The following ADGRB1 variants were observed in gnomAD, a reference collection of about 807,000 sequenced individuals.
The protein encoded by ADGRB1 is brain-specific angiogenesis inhibitor 1.
Under a neutral mutation model 175.7 loss-of-function variants are expected in ADGRB1, and 36 were observed. The observed-to-expected ratio is 0.20, with a 90% CI of 0.16 to 0.27. The LOEUF (loss-of-function observed/expected upper bound fraction) is 0.27, where lower values mean the gene tolerates loss of function less well. ADGRB1 is among the 10% of genes least tolerant of loss of function. The pLI is 1.00. For missense variants in ADGRB1, 1,731 were observed against 2,255.3 expected (o/e 0.77, Z 4.71); for synonymous variants, 1,054 against 979.4 (o/e 1.08, Z -1.42).
intron 1 of ADGRB1, among the ~76,000 whole-genome samples, chr8:142,453,425 G>T (rs1223029098): frequency 1.3e-5 from 2 of 152,168 alleles, no homozygotes; most frequent in Non-Finnish European, 1.5e-5. Context: ...CTGACCCTCA[G>T]CAAAGACCCC....
intron 17 of ADGRB1, among the ~76,000 whole-genome samples, chr8:142,501,672 TTTGTGTGGTTTTGACGATGGAGGTGG>T (rs1842556280): frequency 3.4e-5 from 1 of 29,700 alleles, no homozygotes; most frequent in Non-Finnish European, 8.4e-5. Context: ...GGTAGTGATG[TTTGTGTGGTTTTGACGATGGAGGTGG>T]GGTGGTGGTG....
intron 20 of ADGRB1, 36 bp downstream of exon 20, chr8:142,520,961 C>T: frequency 6.4e-7 from 1 of 1,572,610 alleles, no homozygotes; most frequent in Non-Finnish European, 8.7e-7. Context: ...CACTTCCCAA[C>T]ATCCTCGGGT....
At position 142,471,707 on chromosome 8, in the gene ADGRB1, C is replaced by T. The variant is rs921241688; in HGVS notation, c.785-3767C>T. Among the ~76,000 whole-genome samples the T allele has an allele frequency of 3.3e-5, 5 of 152,234 alleles. No homozygotes were observed. In the East Asian group the frequency reaches 5.8e-4, roughly 18 times the overall value. On this transcript the variant is annotated intron_variant, in intron 2 of 30. Transcript: ENST00000517894. Reference sequence around the variant, plus strand: ...TTAGCTCACCTGGGAAGTGGCCTGCCGGATGGTGGACTTGGCTTCTCAGCC... The same window carrying T: ...TTAGCTCACCTGGGAAGTGGCCTGCTGGATGGTGGACTTGGCTTCTCAGCC...
chr8:142,467,973 C>T (rs1040592626), intron 2 of ADGRB1, among the ~76,000 whole-genome samples: 5 of 152,140 alleles, frequency 3.3e-5, no homozygotes, highest in East Asian at 1.9e-4. Context: ...CAGGGATATT[C>T]GAGCAGCTTG....
chr8:142,456,587 CAT>C (rs1280159429), intron 1 of ADGRB1, among the ~76,000 whole-genome samples: 3 of 152,266 alleles, frequency 2.0e-5, no homozygotes, highest in Non-Finnish European at 4.4e-5. Context: ...CACACGCACA[CAT>C]ATGTGCAGCA....
At position 142,477,106 on chromosome 8, in the gene ADGRB1, G is replaced by A. The variant is rs1283065375; in HGVS notation, c.1058-8G>A. The A allele has an allele frequency of 1.3e-6, 2 of 1,555,526 alleles. No homozygotes were observed. The highest frequency in any genetic ancestry group is 2.4e-5 in the South Asian group (2 of 85,096). Reference sequence around the variant, plus strand: ...GGCAGGCCTGTGACGCTGTAGTGGGGCCTGCAGGTGACCCAGCAGCCGAGG... The same window carrying A: ...GGCAGGCCTGTGACGCTGTAGTGGGACCTGCAGGTGACCCAGCAGCCGAGG... On this transcript the variant is annotated splice_region_variant and splice_polypyrimidine_tract_variant and intron_variant, in intron 4 of 30. Coordinates refer to ENST00000517894, the MANE Select transcript of ADGRB1 (RefSeq NM_001702.3).
rs556371673 is a variant in ADGRB1 at position 142,479,924 on chromosome 8, C to T, written c.1828+130C>T. 46 of 1,048,280 alleles carry T rather than the reference C, an allele frequency of 4.4e-5. No homozygotes were observed. The African/African-American group carries it at 4.6e-4, about 11-fold the overall frequency. 64.9% of individuals were successfully genotyped at this position (1,048,280 alleles called of 1,614,324 possible). ...CCCAGACAGCCTGCGTGTGCTGGCG[C>T]GGGGTGGTGGGGCCGCGAGCCCAGG... On this transcript the variant is annotated intron_variant, in intron 9 of 30. Coordinates refer to ENST00000517894, the MANE Select transcript of ADGRB1 (RefSeq NM_001702.3).
intron 17 of ADGRB1, among the ~76,000 whole-genome samples, chr8:142,499,645 G>A (rs2131949155): frequency 6.6e-6 from 1 of 152,200 alleles, no homozygotes; most frequent in South Asian, 2.1e-4. Context: ...GTTGGGAGCG[G>A]CTGGGGTGGG....
In ADGRB1 at chr8:142,493,334, G is replaced by T. The variant is rs1467172798; in HGVS notation, c.2675+2519G>T. 6.6e-6 allele frequency among the ~76,000 whole-genome samples: 1 copy of T among 151,950 alleles called. No homozygotes were observed. Among genetic ancestry groups the T allele is most frequent in the Non-Finnish European group, 1.5e-5 (1 of 67,990 alleles). On this transcript the variant is annotated intron_variant, in intron 17 of 30. Transcript: ENST00000517894. The surrounding 1 kb of genome is among the most constrained non-coding windows in gnomAD (Gnocchi z 5.0). Reference sequence around the variant, plus strand: ...TTGGCTTCCTGACCCTATGGCCAGGGTCTGCCTGCTTTTAGGCAGGGGCGG... The same window carrying T: ...TTGGCTTCCTGACCCTATGGCCAGGTTCTGCCTGCTTTTAGGCAGGGGCGG...
chr8:142,529,813 TGTGA>T (rs1420393520), intron 24 of ADGRB1, among the ~76,000 whole-genome samples: 2 of 151,650 alleles, frequency 1.3e-5, no homozygotes, highest in Non-Finnish European at 2.9e-5. Context: ...TGTGCATCTG[TGTGA>T]GTGCAACCCG....
In ADGRB1 at chr8:142,516,715, G is replaced by A. The variant is rs370664454; in HGVS notation, c.2818-1423G>A. On this transcript the variant is annotated intron_variant, in intron 18 of 30. Transcript: ENST00000517894. ...GCCCCAGGTGCGTGCATGTGTGCGGGCCCCAGGTGTGTGTCTGTGTGTGGG... is the reference window on the plus strand; with the variant it reads ...GCCCCAGGTGCGTGCATGTGTGCGGACCCCAGGTGTGTGTCTGTGTGTGGG... Among the ~76,000 whole-genome samples, 30 of 151,574 alleles carry A rather than the reference G, an allele frequency of 2.0e-4. 1 individual carries two copies. Among genetic ancestry groups the A allele is most frequent in the Admixed American group, 1.5e-3 (23 of 15,250 alleles).
chr8:142,469,240 C>T (rs1442951199), intron 2 of ADGRB1, among the ~76,000 whole-genome samples: 1 of 149,896 alleles, frequency 6.7e-6, no homozygotes, highest in Non-Finnish European at 1.5e-5. Context: ...TGAATGTGTG[C>T]ACACATGCAT....
At chr8:142,484,631 G>A (rs775682644) in intron 12 of ADGRB1, 25 bp from the exon 13 acceptor site, 28 of 1,592,292 alleles carry the variant, frequency 1.8e-5, no homozygotes, top group South Asian at 2.3e-5. Flanking sequence ...CTCCTCCCTC[G>A]GCTGCTCACC....
chr8:142,465,776 A>C (rs1189442033), intron 2 of ADGRB1, among the ~76,000 whole-genome samples: 5 of 151,998 alleles, frequency 3.3e-5, no homozygotes, highest in African/African-American at 1.2e-4. Flanking sequence ...AGGACGAGGG[A>C]CCTTGTTCAA....
chr8:142,522,110 G>T lies in ADGRB1; in HGVS notation c.3170G>T (p.Gly1057Val). 1 of 1,608,862 alleles carries T rather than the reference G, an allele frequency of 6.2e-7. No individual in the cohort carries two copies. The highest frequency in any genetic ancestry group is 2.2e-5 in the East Asian group (1 of 44,838). ...ATCCGCAAGCGCTTCCTCTGCCTGG[G>T]CTGGGGTGAGCCGCGGCCTTCCCGA... ...RLIRKRFLCL[G>V]WGLPALVVAI... Residue 1057 changes from glycine to valine, a missense_variant, in exon 21 of 31, where the codon GGC becomes GTC. Gly to Val is a moderately radical substitution (Grantham distance 109, BLOSUM62 -3). This residue lies in a region of ADGRB1 where 301 missense variants were observed against 488.4 expected (regional missense o/e 0.62). Coordinates refer to ENST00000517894, the MANE Select transcript of ADGRB1 (RefSeq NM_001702.3).
At chr8:142,481,791 C>A in intron 11 of ADGRB1, 80 bp downstream of exon 11, 1 of 1,278,504 alleles carries the variant, frequency 7.8e-7, no homozygotes, top group Non-Finnish European at 1.1e-6. Flanking sequence ...GAGATGGATC[C>A]CCAACCCTGG....
At chr8:142,475,004 G>A (rs961141780) in intron 2 of ADGRB1, among the ~76,000 whole-genome samples, 1 of 152,160 alleles carries the variant, frequency 6.6e-6, no homozygotes, top group African/African-American at 2.4e-5. Flanking sequence ...TGGAGCCCTG[G>A]TGATGAGGGT....
Position 142,492,882 on chromosome 8 carries a change from G to A in ADGRB1, c.2675+2067G>A, listed in dbSNP as rs906430792. Among the ~76,000 whole-genome samples, 3 of 152,094 alleles carry A rather than the reference G, an allele frequency of 2.0e-5. No individual in the cohort carries two copies. Among genetic ancestry groups the A allele is most frequent in the Non-Finnish European group, 4.4e-5 (3 of 67,992 alleles). On this transcript the variant is annotated intron_variant, in intron 17 of 30. Coordinates refer to ENST00000517894, the MANE Select transcript of ADGRB1 (RefSeq NM_001702.3). This position sits in a 1 kb window ranked among gnomAD's most constrained non-coding sequence, Gnocchi z 4.4. ...CCCCACAGCCCCAGCACTTCCACCAGCACAGGCCCCTCCCCACAGTGCAGA... is the reference window on the plus strand; with the variant it reads ...CCCCACAGCCCCAGCACTTCCACCAACACAGGCCCCTCCCCACAGTGCAGA...
intron 2 of ADGRB1, among the ~76,000 whole-genome samples, chr8:142,469,198 CATGTGT>C (rs922143358): frequency 2.0e-5 from 3 of 149,080 alleles, no homozygotes; most frequent in African/African-American, 7.4e-5. Flanking sequence ...TGCACATGTG[CATGTGT>C]GAATGTGTGT....
Sources: gnomAD v4.1 joint callset for allele counts (sites outside exome capture counted in the v4.1 genomes callset) on GRCh38, gnomAD v4.1.1 for gene constraint, gnomAD v4.1.1 regional missense constraint, Gnocchi (gnomAD v3.1) non-coding constraint, MANE v1.5 for transcripts, NCBI Gene and HGNC (gene_info 2026-07-23, HGNC 2026-07-21) for gene names.